Variants in EEF1AKMT2 observed in about 807,000 individuals in gnomAD.
The protein encoded by EEF1AKMT2 is EEF1A lysine methyltransferase 2, also known as eukaryotic translation elongation factor 1 alpha lysine methyltransferase 2.
Under a neutral mutation model 35.8 loss-of-function variants are expected in EEF1AKMT2, and 32 were observed. The ratio of observed to expected loss-of-function variants is 0.89; its 90% CI spans 0.67 to 1.20. The LOEUF is 1.20. EEF1AKMT2 is among the 50% of genes most tolerant of loss of function. The pLI, the probability that EEF1AKMT2 is intolerant of heterozygous loss-of-function variation, is 0.00. For missense variants in EEF1AKMT2, 330 were observed against 347.5 expected (o/e 0.95, Z 0.40); for synonymous variants, 121 against 133.7 (o/e 0.91, Z 0.65).
At chr10:124,756,466 T>C (rs1271735294), downstream of EEF1AKMT2, among the ~76,000 whole-genome samples, 1 of 152,230 alleles carries the variant, frequency 6.6e-6, no homozygotes, top group Non-Finnish European at 1.5e-5. Context: ...GAATTATTCC[T>C]ATCTTTTTAA....
intron 4 of EEF1AKMT2, among the ~76,000 whole-genome samples, chr10:124,767,160 TAAAAAAAAAAAA>T (rs903606562): frequency 3.8e-5 from 4 of 104,196 alleles, no homozygotes; most frequent in Non-Finnish European, 5.7e-5. Flanking sequence ...GACTCCATCT[TAAAAAAAAAAAA>T]AAAAAAAAAA....
rs770398479 is a variant in EEF1AKMT2 at position 124,758,571 on chromosome 10, C to T, written c.*1932G>A. The T allele has an allele frequency of 6.6e-6, 1 of 151,406 alleles. No homozygotes were observed. The highest frequency in any genetic ancestry group is 1.5e-5 in the Non-Finnish European group (1 of 67,908). 9.4% of individuals were successfully genotyped at this position (151,406 alleles called of 1,614,324 possible). On this transcript the variant is annotated 3_prime_UTR_variant, in exon 7 of 7. Transcript: ENST00000368836. ...CACTAACATGCCCCAAATAGTGACT[C>T]GAAAAGCTTTTCAACAAAGAACCAT...
chr10:124,783,359 G>C (rs1201363827), intron 3 of EEF1AKMT2, among the ~76,000 whole-genome samples: 1 of 152,040 alleles, frequency 6.6e-6, no homozygotes, highest in Non-Finnish European at 1.5e-5. Flanking sequence ...GGCCAGGGTG[G>C]TCTCAAACTG....
intron 1 of EEF1AKMT2, among the ~76,000 whole-genome samples, chr10:124,791,401 C>A (rs1482650006): frequency 1.3e-5 from 2 of 152,096 alleles, no homozygotes; most frequent in East Asian, 3.9e-4. Context: ...GCCCTATTCG[C>A]CAGCCTCGCC....
chr10:124,767,233 G>C (rs1950386685), intron 4 of EEF1AKMT2, among the ~76,000 whole-genome samples: 1 of 149,856 alleles, frequency 6.7e-6, no homozygotes, highest in South Asian at 2.1e-4. Context: ...CCTTATATTG[G>C]CCGGGCGCAG....
chr10:124,771,301 A>T (rs142906886), intron 4 of EEF1AKMT2, among the ~76,000 whole-genome samples: 1 of 151,526 alleles, frequency 6.6e-6, no homozygotes, highest in Non-Finnish European at 1.5e-5. Context: ...GGGTTTCACC[A>T]TGTTAGCCAG....
At chr10:124,786,861 C>G (rs1029030873) in intron 3 of EEF1AKMT2, among the ~76,000 whole-genome samples, 1 of 151,860 alleles carries the variant, frequency 6.6e-6, no homozygotes, top group Non-Finnish European at 1.5e-5. Context: ...CTATTAATCT[C>G]AAAGTATAAA....
intron 3 of EEF1AKMT2, among the ~76,000 whole-genome samples, chr10:124,783,949 C>T (rs926324153): frequency 8.5e-5 from 13 of 152,272 alleles, no homozygotes; most frequent in Admixed American, 6.5e-5. Flanking sequence ...TTCAGCCTCC[C>T]GAGTAGCTGG....
At position 124,758,063 on chromosome 10, in the gene EEF1AKMT2, T is replaced by C. The variant is rs975850658; in HGVS notation, c.*2440A>G. 1 of 152,194 alleles carries C rather than the reference T, an allele frequency of 6.6e-6. No homozygotes were observed. The highest frequency in any genetic ancestry group is 2.4e-5 in the African/African-American group (1 of 41,458). 9.4% of individuals were successfully genotyped at this position (152,194 alleles called of 1,614,324 possible). On this transcript the variant is annotated 3_prime_UTR_variant, in exon 7 of 7. Coordinates refer to ENST00000368836, the MANE Select transcript of EEF1AKMT2 (RefSeq NM_212554.4). ...ACAGAAGTGGCCTGTTATGCAGCAA[T>C]AATCATAGTGAAAAGCAGCAATTCC... is the stretch of plus-strand genomic sequence containing the variant.
At chr10:124,780,363 T>C (rs1233440737) in intron 3 of EEF1AKMT2, among the ~76,000 whole-genome samples, 1 of 152,126 alleles carries the variant, frequency 6.6e-6, no homozygotes, top group African/African-American at 2.4e-5. Flanking sequence ...ATTCACATTG[T>C]GAAAAACCAT....
rs559035940 is a variant in EEF1AKMT2, at chr10:124,778,169, T to C, written c.292-3387A>G. 3.2e-3 allele frequency among the ~76,000 whole-genome samples: 492 copies of C among 151,654 alleles called. 13 individuals are homozygous for C. Among genetic ancestry groups the C allele is most frequent in the Non-Finnish European group, 2.4e-4 (16 of 67,920 alleles). On this transcript the variant is annotated intron_variant, in intron 3 of 6. Transcript: ENST00000368836. ...AGTTGGAGGTTATAGTGTGTATGTA[T>C]AGACAATTTTAACACACAGTCTATA...
chr10:124,774,990 T>C (rs1950476329), intron 3 of EEF1AKMT2: 2 of 220,552 alleles, frequency 9.1e-6, no homozygotes, highest in South Asian at 3.6e-4. Flanking sequence ...GTTTTCATAA[T>C]ATTTTATCTC....
chr10:124,789,124 C>A lies in EEF1AKMT2; in HGVS notation c.210G>T (p.Arg70Ser). ...FGEESMNRLI[R>S]WMQKHKIPLD... ...GTGGAATCTTGTGTTTCTGCATCCA[C>A]CTTATTAGTCGATTCATACTCTCTT... Residue 70 changes from arginine (R) to serine (S), a missense_variant, in exon 3 of 7, where the codon AGG becomes AGT. By Grantham distance (110) the Arg-to-Ser change is moderately radical (BLOSUM62 -1). Coordinates refer to ENST00000368836, the MANE Select transcript of EEF1AKMT2 (RefSeq NM_212554.4). 6.2e-7 allele frequency: 1 copy of A among 1,613,470 alleles called. No individual in the cohort carries two copies. The highest frequency in any genetic ancestry group is 8.5e-7 in the Non-Finnish European group (1 of 1,179,684).
chr10:124,776,123 G>A (rs1311313003), intron 3 of EEF1AKMT2, among the ~76,000 whole-genome samples: 3 of 151,948 alleles, frequency 2.0e-5, no homozygotes, highest in Non-Finnish European at 2.9e-5. Context: ...GGGTTTCACC[G>A]TGTTAGCCAG....
intron 4 of EEF1AKMT2, among the ~76,000 whole-genome samples, chr10:124,774,014 AG>A (rs984413128): frequency 6.6e-6 from 1 of 152,194 alleles, no homozygotes; most frequent in Non-Finnish European, 1.5e-5. Flanking sequence ...CACAGATCAT[AG>A]GACACAAAAA....
Position 124,765,625 on chromosome 10 carries a change from T to A in EEF1AKMT2, c.400-17A>T. 1 of 1,587,678 alleles carries A rather than the reference T, an allele frequency of 6.3e-7. No homozygotes were observed. Among genetic ancestry groups the A allele is most frequent in the East Asian group, 2.2e-5 (1 of 44,616 alleles). On this transcript the variant is annotated splice_polypyrimidine_tract_variant and intron_variant, in intron 4 of 6. Transcript: ENST00000368836. ...GTCTTCTACCTATATTAAAAGTCAATGTCTATGTGAGAACAATTAAAACAA... is the reference window on the plus strand; with the variant it reads ...GTCTTCTACCTATATTAAAAGTCAAAGTCTATGTGAGAACAATTAAAACAA...
intron 3 of EEF1AKMT2, among the ~76,000 whole-genome samples, chr10:124,784,699 G>A (rs1347941601): frequency 6.6e-6 from 1 of 152,166 alleles, no homozygotes; most frequent in Non-Finnish European, 1.5e-5. Context: ...GGGAGGCCAA[G>A]ATGGGTGGAT....
rs560599377 is a variant in EEF1AKMT2, at chr10:124,770,128, T to C, written c.400-4520A>G. ...TGAAATCTCGTCTCTACTAAAAAAATACAAAAATGGCCGGGCGTGGTAGCT... is the reference window on the plus strand; with the variant it reads ...TGAAATCTCGTCTCTACTAAAAAAACACAAAAATGGCCGGGCGTGGTAGCT... On this transcript the variant is annotated intron_variant, in intron 4 of 6. Transcript: ENST00000368836. 9.2e-5 allele frequency among the ~76,000 whole-genome samples: 14 copies of C among 151,552 alleles called. No homozygotes were observed. The South Asian group carries it at 2.9e-3, about 32-fold the overall frequency.
rs1214522357 is a variant in EEF1AKMT2 at position 124,758,615 on chromosome 10, CAA to C, written c.*1886_*1887del. 1 of 151,726 alleles carries C rather than the reference CAA, an allele frequency of 6.6e-6. No homozygotes were observed. The highest frequency in any genetic ancestry group is 1.5e-5 in the Non-Finnish European group (1 of 67,962). The allele number at this position is 151,726 out of a possible 1,614,324, so 9.4% of individuals were successfully genotyped here. Reference sequence around the variant, plus strand: ...GAACCATTCTAAGCTTTTTGTGAATCAAACTCAACATCTCAGTCTAGTCACAC... The same window carrying C: ...GAACCATTCTAAGCTTTTTGTGAATCACTCAACATCTCAGTCTAGTCACAC... On this transcript the variant is annotated 3_prime_UTR_variant, in exon 7 of 7. Coordinates refer to ENST00000368836, the MANE Select transcript of EEF1AKMT2 (RefSeq NM_212554.4).
Sources: gnomAD v4.1 joint callset for allele counts (sites outside exome capture counted in the v4.1 genomes callset) on GRCh38, gnomAD v4.1.1 for gene constraint, MANE v1.5 for transcripts, NCBI Gene and HGNC (gene_info 2026-07-23, HGNC 2026-07-21) for gene names.